The following POGZ variants were observed in gnomAD, a reference collection of about 807,000 sequenced individuals.
The protein encoded by POGZ is pogo transposable element with ZNF domain.
A neutral mutation model predicts 134.6 loss-of-function variants in POGZ; 17 were observed. The observed-to-expected ratio is 0.13, with a 90% CI of 0.09 to 0.19. POGZ has a LOEUF of 0.19. POGZ is among the 10% of genes least tolerant of loss of function. POGZ has a pLI of 1.00. For missense variants in POGZ, 1,306 were observed against 1,769.7 expected (o/e 0.74, Z 4.70); for synonymous variants, 693 against 657.1 (o/e 1.05, Z -0.84).
chr1:151,433,858 T>G (rs963622456), intron 3 of POGZ, among the ~76,000 whole-genome samples: 1 of 151,988 alleles, frequency 6.6e-6, no homozygotes, highest in Admixed American at 6.6e-5. Flanking sequence ...CAATCACAAT[T>G]CTGGTGCTTT....
Position 151,406,460 on chromosome 1 carries a change from C to T in POGZ, c.2575G>A (p.Gly859Ser), listed in dbSNP as rs1653646161. The T allele has an allele frequency of 4.5e-6, 7 of 1,553,360 alleles. No homozygotes were observed. The highest frequency in any genetic ancestry group is 1.4e-5 in the African/African-American group (1 of 72,518). The change falls in exon 19 of 19, where the codon GGC becomes AGC. Residue 859 changes from glycine (G) to serine (S), a missense_variant. Around this residue, in one of 10 missense-constraint regions of POGZ, gnomAD observed 214 missense variants for 255.5 expected, o/e 0.84. Transcript: ENST00000271715. Reference protein sequence around the residue: ...GLTWIAHSRHGQTRDRVHDRN... With the variant: ...GLTWIAHSRHSQTRDRVHDRN... The stretch of plus-strand genomic sequence containing the variant: ...TCATGCACTCGGTCACGAGTCTGGC[C>T]ATGCCTAAAGGGGTGAGGAGCAAAG...
At chr1:151,422,483 C>G (rs1318630790) in intron 10 of POGZ, among the ~76,000 whole-genome samples, 2 of 152,174 alleles carry the variant, frequency 1.3e-5, no homozygotes, top group South Asian at 4.1e-4. Flanking sequence ...TTTCTTTGAG[C>G]TTATGTTCAG....
rs1660622372 is a variant in POGZ, at chr1:151,442,067, A to G, written c.124+14T>C. 1 of 1,566,026 alleles carries G rather than the reference A, an allele frequency of 6.4e-7. No individual in the cohort carries two copies. Among genetic ancestry groups the G allele is most frequent in the Non-Finnish European group, 8.8e-7 (1 of 1,138,784 alleles). Reference sequence around the variant, plus strand: ...TTAATTTAAACCATCTAAGATCAGAAGAGCTTTTGTTACCTGTGGTAGTTT... The same window carrying G: ...TTAATTTAAACCATCTAAGATCAGAGGAGCTTTTGTTACCTGTGGTAGTTT... On this transcript the variant is annotated intron_variant, in intron 2 of 18. Coordinates refer to ENST00000271715, the MANE Select transcript of POGZ (RefSeq NM_015100.4).
At chr1:151,424,355 C>T in intron 8 of POGZ, 69 bp from the exon 9 acceptor site, 2 of 936,480 alleles carry the variant, frequency 2.1e-6, no homozygotes, top group South Asian at 1.8e-5. Flanking sequence ...CTTAACTTCA[C>T]TACCATTCCT....
chr1:151,456,851 C>T (rs1284913188), intron 1 of POGZ, among the ~76,000 whole-genome samples: 1 of 152,110 alleles, frequency 6.6e-6, no homozygotes, highest in Admixed American at 6.6e-5. Context: ...TGCACTCCAC[C>T]CTGGGCGACA....
At chr1:151,411,279 C>T (rs945785476) in intron 12 of POGZ, among the ~76,000 whole-genome samples, 12 of 152,218 alleles carry the variant, frequency 7.9e-5, no homozygotes, top group African/African-American at 2.2e-4. Flanking sequence ...CACTGTTCTT[C>T]GTCTTATTTC....
intron 1 of POGZ, among the ~76,000 whole-genome samples, chr1:151,453,384 T>A (rs1662378222): frequency 6.6e-6 from 1 of 152,002 alleles, no homozygotes; most frequent in South Asian, 2.1e-4. Context: ...TTGGTTGAAT[T>A]TCTTGATTTA....
chr1:151,411,263 T>C (rs6702138), intron 12 of POGZ, among the ~76,000 whole-genome samples: 5,862 of 152,302 alleles, frequency 0.038, 396 homozygotes, highest in African/African-American at 0.13. Context: ...CTTTGTGCCT[T>C]GGGCACACTG....
intron 1 of POGZ, among the ~76,000 whole-genome samples, chr1:151,447,797 T>A (rs1252043111): frequency 6.6e-6 from 1 of 151,952 alleles, no homozygotes; most frequent in African/African-American, 2.4e-5. Context: ...GCTTTTGATG[T>A]GTTTTGATCC....
intron 10 of POGZ, among the ~76,000 whole-genome samples, chr1:151,416,929 G>A (rs1655831371): frequency 6.6e-6 from 1 of 151,978 alleles, no homozygotes; most frequent in Admixed American, 6.6e-5. Flanking sequence ...ACCATGCCTT[G>A]GCCTGTAATG....
At chr1:151,454,069 T>G (rs1250346284) in intron 1 of POGZ, among the ~76,000 whole-genome samples, 1 of 152,218 alleles carries the variant, frequency 6.6e-6, no homozygotes, top group Non-Finnish European at 1.5e-5. Flanking sequence ...TGTTCTTTCA[T>G]AGCTGTAAAG....
At chr1:151,454,966 G>A (rs1261465988) in intron 1 of POGZ, 1 of 152,130 alleles carries the variant, frequency 6.6e-6, no homozygotes, top group African/African-American at 2.4e-5. Flanking sequence ...AATTACCCAG[G>A]TGTGGTGGCG....
chr1:151,432,372 G>A (rs4246528), intron 3 of POGZ, among the ~76,000 whole-genome samples: 148,549 of 152,234 alleles, frequency 0.98, 72,602 homozygotes, highest in Middle Eastern at 1. Context: ...TAATGGGCCA[G>A]CAGTGGCTTA....
Position 151,405,268 on chromosome 1 carries a change from C to G in POGZ, c.3767G>C (p.Gly1256Ala), listed in dbSNP as rs756607892. ...SSTLPAVVPA[G>A]CSSKIQPLDV... ...TAATGGCTGAATTTTGGAGCTACAGCCTGCTGGGACCACTGCAGGCAAAGT... is the reference window on the plus strand; with the variant it reads ...TAATGGCTGAATTTTGGAGCTACAGGCTGCTGGGACCACTGCAGGCAAAGT... The change falls in exon 19 of 19, where the codon GGC (glycine) becomes GCC (alanine). Residue 1256 changes from glycine (G) to alanine (A), a missense_variant. Coordinates refer to ENST00000271715, the MANE Select transcript of POGZ (RefSeq NM_015100.4). The surrounding 1 kb of genome is among the most constrained non-coding windows in gnomAD (Gnocchi z 4.9). The G allele has an allele frequency of 6.2e-7, 1 of 1,614,208 alleles. No homozygotes were observed. The highest frequency in any genetic ancestry group is 8.5e-7 in the Non-Finnish European group (1 of 1,180,020).
chr1:151,426,704 C>T (rs926888506), intron 7 of POGZ: 20 of 151,986 alleles, frequency 1.3e-4, no homozygotes, highest in Admixed American at 1.1e-3. Flanking sequence ...TCTTTTCTTG[C>T]GTATGCTTTT....
chr1:151,440,706 T>TG, intron 3 of POGZ: 1 of 349,836 alleles, frequency 2.9e-6, no homozygotes, highest in Non-Finnish European at 5.1e-6. Context: ...AAGAATCTAC[T>TG]GCTCTCTCAC....
chr1:151,437,475 G>T (rs1659814248), intron 3 of POGZ, among the ~76,000 whole-genome samples: 1 of 152,106 alleles, frequency 6.6e-6, no homozygotes, highest in Non-Finnish European at 1.5e-5. Context: ...TTGCTGGTGG[G>T]GAGCAGTGGC....
intron 10 of POGZ, among the ~76,000 whole-genome samples, chr1:151,416,165 G>A (rs1319658494): frequency 8.5e-6 from 1 of 117,666 alleles, no homozygotes; most frequent in Non-Finnish European, 1.6e-5. Flanking sequence ...CTGAGACTGT[G>A]CCACTGCACA....
chr1:151,417,248 G>T (rs1260792294), intron 10 of POGZ, among the ~76,000 whole-genome samples: 2 of 151,200 alleles, frequency 1.3e-5, no homozygotes, highest in East Asian at 3.9e-4. Context: ...TATTTTAGTA[G>T]AGATGGAGTT....
Sources: allele counts gnomAD v4.1 joint callset (sites outside exome capture counted in the v4.1 genomes callset), GRCh38; gene constraint gnomAD v4.1.1; regional missense constraint gnomAD v4.1.1; non-coding constraint Gnocchi (gnomAD v3.1); transcripts MANE v1.5; gene names NCBI Gene and HGNC (gene_info 2026-07-23, HGNC 2026-07-21).